The following CIMAP2 variants were observed in gnomAD, a reference collection of about 807,000 sequenced individuals.
CIMAP2 encodes the protein ciliary microtubule associated protein 2.
the CIMAP2 span, among the ~76,000 whole-genome samples, chr1:54,808,618 A>AGGGCGG: frequency 1.2e-5 from 1 of 82,194 alleles, no homozygotes; most frequent in Non-Finnish European, 2.7e-5. Context: ...CTGCCGGGGG[A>AGGGCGG]GGGCAGTGGA....
the CIMAP2 span, among the ~76,000 whole-genome samples, chr1:54,841,127 G>A: frequency 6.6e-6 from 1 of 152,182 alleles, no homozygotes; most frequent in Non-Finnish European, 1.5e-5. Context: ...TCCCTCCTTT[G>A]ACAAATATTT....
At chr1:54,806,121 G>C in the CIMAP2 span, 2 of 1,538,174 alleles carry the variant, frequency 1.3e-6, no homozygotes, top group Admixed American at 3.9e-5. Context: ...CCTGCCATGA[G>C]GGAAAGCCAG....
chr1:54,835,701 C>T, the CIMAP2 span, among the ~76,000 whole-genome samples: 1 of 152,072 alleles, frequency 6.6e-6, no homozygotes, highest in Non-Finnish European at 1.5e-5. Flanking sequence ...TAGGACACTG[C>T]AGAAGAGAAT....
At chr1:54,830,613 A>G in the CIMAP2 span, among the ~76,000 whole-genome samples, 1 of 152,162 alleles carries the variant, frequency 6.6e-6, no homozygotes, top group Non-Finnish European at 1.5e-5. The surrounding 1 kb of genome is among the most constrained non-coding windows in gnomAD (Gnocchi z 4.1). Context: ...TAAATCTCCA[A>G]TCTTCTGCCA....
At chr1:54,841,673 G>A in the CIMAP2 span, 16 of 1,608,130 alleles carry the variant, frequency 9.9e-6, no homozygotes, top group African/African-American at 2.1e-4. Context: ...TCTCACCAAT[G>A]TAGGATCTCC....
the CIMAP2 span, chr1:54,816,842 G>C: frequency 9.5e-7 from 1 of 1,055,400 alleles, no homozygotes; most frequent in African/African-American, 1.6e-5. Context: ...GGGTTGCTCG[G>C]GGTTGGGACC....
the CIMAP2 span, among the ~76,000 whole-genome samples, chr1:54,821,213 G>A: frequency 7.9e-6 from 1 of 126,222 alleles, no homozygotes; most frequent in African/African-American, 3.4e-5. Context: ...CTTTTGCTGT[G>A]CAAAAGTTTT....
chr1:54,819,929 TA>T, the CIMAP2 span, among the ~76,000 whole-genome samples: 2 of 76,854 alleles, frequency 2.6e-5, no homozygotes, highest in Admixed American at 1.4e-4. Flanking sequence ...CTCCCCCCCA[TA>T]TTTCTTTTCT....
chr1:54,836,768 C>T, the CIMAP2 span, among the ~76,000 whole-genome samples: 7 of 151,726 alleles, frequency 4.6e-5, no homozygotes, highest in East Asian at 1.9e-4. Flanking sequence ...TTAGCCTGGC[C>T]GTGAGGGGTA....
chr1:54,819,898 CTTCT>C, the CIMAP2 span, among the ~76,000 whole-genome samples: 1 of 138,816 alleles, frequency 7.2e-6, no homozygotes, highest in African/African-American at 2.7e-5. Flanking sequence ...CCCTTCCTTC[CTTCT>C]TTCCTTTCTT....
chr1:54,830,308 C>T, the CIMAP2 span, among the ~76,000 whole-genome samples: 2 of 152,130 alleles, frequency 1.3e-5, no homozygotes, highest in East Asian at 1.9e-4. The surrounding 1 kb of genome is among the most constrained non-coding windows in gnomAD (Gnocchi z 4.1). Flanking sequence ...CCACAACCTT[C>T]GCCTCCTGGG....
chr1:54,806,101 A>G, the CIMAP2 span: 894,021 of 1,503,870 alleles, frequency 0.59, 267,825 homozygotes, highest in South Asian at 0.66. Flanking sequence ...GGAGGCGGGC[A>G]GCGCGCAGGC....
At chr1:54,829,026 G>A in the CIMAP2 span, among the ~76,000 whole-genome samples, 53 of 152,316 alleles carry the variant, frequency 3.5e-4, no homozygotes, top group African/African-American at 1.0e-3. Flanking sequence ...TGACATATGC[G>A]TAGAAAACAT....
the CIMAP2 span, among the ~76,000 whole-genome samples, chr1:54,836,687 G>A: frequency 2.0e-5 from 3 of 152,074 alleles, no homozygotes; most frequent in Non-Finnish European, 4.4e-5. Context: ...TAAGCGTGTG[G>A]GGCAGAAATG....
chr1:54,839,107 G>C, the CIMAP2 span, among the ~76,000 whole-genome samples: 6 of 136,636 alleles, frequency 4.4e-5, no homozygotes, highest in African/African-American at 1.6e-4. Context: ...CTTTCCTCAA[G>C]GGTTTTCTTC....
chr1:54,841,942 C>A, the CIMAP2 span: 1 of 1,456,042 alleles, frequency 6.9e-7, no homozygotes, highest in Non-Finnish European at 9.4e-7. Flanking sequence ...CTGGGGGTGA[C>A]AGCATGGGCA....
the CIMAP2 span, among the ~76,000 whole-genome samples, chr1:54,810,241 A>G: frequency 6.6e-6 from 1 of 152,058 alleles, no homozygotes; most frequent in Non-Finnish European, 1.5e-5. Flanking sequence ...AGAGGCTCAG[A>G]AAGGTTGTGG....
the CIMAP2 span, among the ~76,000 whole-genome samples, chr1:54,840,186 C>T: frequency 6.6e-6 from 1 of 152,230 alleles, no homozygotes; most frequent in African/African-American, 2.4e-5. Flanking sequence ...ATTCTACCAT[C>T]CCTGGAGTTT....
chr1:54,839,005 G>T, the CIMAP2 span, among the ~76,000 whole-genome samples: 15 of 152,180 alleles, frequency 9.9e-5, no homozygotes, highest in African/African-American at 3.6e-4. Context: ...CCAATACAAG[G>T]AGCTATGGAG....
Sources: gnomAD v4.1 joint callset for allele counts (sites outside exome capture counted in the v4.1 genomes callset) on GRCh38, gnomAD v4.1.1 for gene constraint, Gnocchi (gnomAD v3.1) non-coding constraint, MANE v1.5 for transcripts, NCBI Gene and HGNC (gene_info 2026-07-23, HGNC 2026-07-21) for gene names.